Variants in PPP1R9A observed in about 807,000 individuals in gnomAD.
PPP1R9A encodes protein phosphatase 1 regulatory subunit 9A.
Under a neutral mutation model 141.9 loss-of-function variants are expected in PPP1R9A, and 59 were observed. The ratio of observed to expected loss-of-function variants is 0.42; its 90% confidence interval spans 0.34 to 0.52. The LOEUF is 0.52. Ranked by LOEUF, PPP1R9A falls within the 20% of genes least tolerant of loss-of-function variation. PPP1R9A has a pLI of 0.10. For missense variants in PPP1R9A, 1,444 were observed against 1,611.9 expected (o/e 0.90, Z 1.78); for synonymous variants, 500 against 569.7 (o/e 0.88, Z 1.74).
chr7:95,106,336 G>A (rs897809670), intron 2 of PPP1R9A, among the ~76,000 whole-genome samples: 16 of 152,256 alleles, frequency 1.1e-4, no homozygotes, highest in African/African-American at 3.6e-4. Context: ...CTTGGCAAGT[G>A]CTACATAGCT....
chr7:95,074,184 T>C (rs1379373604), intron 2 of PPP1R9A, among the ~76,000 whole-genome samples: 2 of 152,200 alleles, frequency 1.3e-5, no homozygotes, highest in Non-Finnish European at 2.9e-5. Flanking sequence ...GTATGAAAAG[T>C]ACTTAGTTAT....
chr7:95,116,988 T>C (rs1212296523), intron 3 of PPP1R9A, among the ~76,000 whole-genome samples: 4 of 152,180 alleles, frequency 2.6e-5, no homozygotes, highest in Non-Finnish European at 5.9e-5. Flanking sequence ...CATTACAGCA[T>C]AGGTAAAAAT....
At chr7:95,286,170 C>T (rs1239922088) in intron 17 of PPP1R9A, 36 bp from the exon 18 acceptor site, 7 of 1,608,168 alleles carry the variant, frequency 4.4e-6, no homozygotes, top group South Asian at 1.1e-5. Context: ...TCACTCACTG[C>T]ACTCATTTAA....
chr7:95,198,462 A>T lies in PPP1R9A; in HGVS notation c.1868A>T (p.Gln623Leu). The change falls in exon 6 of 20, where the codon CAG (glutamine) becomes CTG (leucine). Residue 623 changes from glutamine to leucine, a missense_variant. Physicochemically the swap from Gln to Leu is moderately radical, Grantham distance 113 (BLOSUM62 -2). Coordinates refer to ENST00000433360, the MANE Select transcript of PPP1R9A (RefSeq NM_001166160.2). ...GAGCTGCTGGAACAGCACTATGCCCAGTATGATGCCGACGATGACGAGGTC... is the reference window on the plus strand; with the variant it reads ...GAGCTGCTGGAACAGCACTATGCCCTGTATGATGCCGACGATGACGAGGTC... ...QRELLEQHYA[Q>L]YDADDDENTV... The T allele has an allele frequency of 1.3e-6, 2 of 1,596,004 alleles. No individual in the cohort carries two copies. Among genetic ancestry groups the T allele is most frequent in the Non-Finnish European group, 1.7e-6 (2 of 1,174,040 alleles).
At chr7:95,111,084 A>G (rs1349048673) in intron 2 of PPP1R9A, among the ~76,000 whole-genome samples, 175 bp from the exon 3 acceptor site, 1 of 152,306 alleles carries the variant, frequency 6.6e-6, no homozygotes, top group Non-Finnish European at 1.5e-5. Flanking sequence ...AAAAATTAGT[A>G]AGTTACTTTT....
intron 2 of PPP1R9A, among the ~76,000 whole-genome samples, chr7:94,912,760 A>G (rs1791610535): frequency 6.6e-6 from 1 of 152,188 alleles, no homozygotes; most frequent in Admixed American, 6.5e-5. Context: ...GTAAGGCAGA[A>G]GTTCTGGGTC....
intron 17 of PPP1R9A, among the ~76,000 whole-genome samples, 183 bp from the exon 18 acceptor site, chr7:95,286,023 A>C (rs1805248906): frequency 6.6e-6 from 1 of 152,190 alleles, no homozygotes; most frequent in African/African-American, 2.4e-5. Context: ...GAAAGCACCC[A>C]GAATTCCCTC....
chr7:94,966,731 G>A (rs932759428), intron 2 of PPP1R9A, among the ~76,000 whole-genome samples: 4 of 152,094 alleles, frequency 2.6e-5, no homozygotes, highest in Admixed American at 2.0e-4. Context: ...GTTTTATTGA[G>A]GATTTTCGTA....
chr7:94,976,067 T>G (rs2151278279), intron 2 of PPP1R9A, among the ~76,000 whole-genome samples: 1 of 152,274 alleles, frequency 6.6e-6, no homozygotes, highest in South Asian at 2.1e-4. Context: ...CTCCTGTATT[T>G]TTTTTAGCCA....
intron 4 of PPP1R9A, among the ~76,000 whole-genome samples, chr7:95,124,660 G>A (rs1309541664): frequency 6.6e-6 from 1 of 151,870 alleles, no homozygotes; most frequent in Admixed American, 6.6e-5. Context: ...AGCCTTGAAA[G>A]GATAAGATTC....
intron 7 of PPP1R9A, among the ~76,000 whole-genome samples, chr7:95,205,565 G>A (rs1472329683): frequency 6.6e-6 from 1 of 152,202 alleles, no homozygotes; most frequent in East Asian, 1.9e-4. Context: ...AGAGACGGAT[G>A]CCTGGGAAAC....
intron 2 of PPP1R9A, among the ~76,000 whole-genome samples, chr7:95,076,046 G>A (rs1374321350): frequency 2.6e-5 from 4 of 152,226 alleles, no homozygotes; most frequent in South Asian, 2.1e-4. Context: ...TCATCTTTAC[G>A]AAAGGAAATT....
At chr7:95,271,762 A>G (rs1162346174) in intron 14 of PPP1R9A, among the ~76,000 whole-genome samples, 1 of 152,192 alleles carries the variant, frequency 6.6e-6, no homozygotes, top group Non-Finnish European at 1.5e-5. Flanking sequence ...CTGGGGGCTC[A>G]GATGTATAAT....
chr7:95,047,066 G>T (rs1157723843), intron 2 of PPP1R9A, among the ~76,000 whole-genome samples: 1 of 152,140 alleles, frequency 6.6e-6, no homozygotes, highest in Non-Finnish European at 1.5e-5. Flanking sequence ...GAACAGAGAG[G>T]GACCAGTTAG....
At chr7:95,171,032 G>C (rs1832028344) in intron 5 of PPP1R9A, among the ~76,000 whole-genome samples, 1 of 151,324 alleles carries the variant, frequency 6.6e-6, no homozygotes, top group South Asian at 2.1e-4. Flanking sequence ...AAATTGAAGA[G>C]GTATGCTATA....
intron 7 of PPP1R9A, among the ~76,000 whole-genome samples, chr7:95,218,534 TGTCTC>T (rs1793865195): frequency 6.6e-6 from 1 of 152,210 alleles, no homozygotes; most frequent in South Asian, 2.1e-4. Context: ...GTTAACTTTC[TGTCTC>T]GTTGATCTGT....
intron 7 of PPP1R9A, among the ~76,000 whole-genome samples, chr7:95,224,984 A>G (rs1794947803): frequency 6.6e-6 from 1 of 152,086 alleles, no homozygotes; most frequent in African/African-American, 2.4e-5. Flanking sequence ...ATCATAAGGT[A>G]TAGATTTCAA....
chr7:95,262,537 C>T (rs1278772060), intron 12 of PPP1R9A, among the ~76,000 whole-genome samples: 1 of 152,148 alleles, frequency 6.6e-6, no homozygotes, highest in African/African-American at 2.4e-5. Context: ...GACTGGTAGT[C>T]ACTGCCTTTC....
chr7:95,250,395 A>G, intron 10 of PPP1R9A, 140 bp downstream of exon 10: 1 of 718,910 alleles, frequency 1.4e-6, no homozygotes, highest in East Asian at 2.8e-5. Context: ...TACAGCATAA[A>G]TACACATTAA....
Sources: gnomAD v4.1 joint callset for allele counts (sites outside exome capture counted in the v4.1 genomes callset) on GRCh38, gnomAD v4.1.1 for gene constraint, MANE v1.5 for transcripts, NCBI Gene and HGNC (gene_info 2026-07-23, HGNC 2026-07-21) for gene names.